Variants in PLCXD3 observed in about 807,000 individuals in gnomAD.
PLCXD3 encodes phosphatidylinositol specific phospholipase C X domain containing 3, also known as PI-PLC X domain-containing protein 3.
Under a neutral mutation model 25.5 loss-of-function variants are expected in PLCXD3, and 19 were observed. That is an observed-to-expected ratio of 0.75 (90% CI 0.52 to 1.09). The LOEUF is 1.09. Among genes scored for constraint, PLCXD3 ranks in the 50% least tolerant of loss-of-function variants. PLCXD3 has a pLI of 0.00. For synonymous variants in PLCXD3, 174 were observed against 137.6 expected (o/e 1.26, Z -1.85); for missense variants, 411 against 388.1 (o/e 1.06, Z -0.50).
rs6878540 is a variant in PLCXD3 at position 41,423,009 on chromosome 5, T to A, written c.104-40475A>T. On this transcript the variant is annotated intron_variant, in intron 1 of 2. Transcript: ENST00000377801. Reference sequence around the variant, plus strand: ...AATTTTCTAAAAAGTATTAATTTTTTAAAAAAAATTATGAATGGGTGTTGA... The same window carrying A: ...AATTTTCTAAAAAGTATTAATTTTTAAAAAAAAATTATGAATGGGTGTTGA... 7.6e-3 allele frequency among the ~76,000 whole-genome samples: 1,152 copies of A among 152,116 alleles called. 17 individuals carry two copies. The highest frequency in any genetic ancestry group is 0.026 in the African/African-American group (1,080 of 41,532).
At chr5:41,336,296 G>A (rs1743978038) in intron 2 of PLCXD3, among the ~76,000 whole-genome samples, 1 of 152,060 alleles carries the variant, frequency 6.6e-6, no homozygotes, top group Non-Finnish European at 1.5e-5. Context: ...TTCAAATCCT[G>A]GGTAAGTCAC....
chr5:41,382,282 G>T lies in PLCXD3; in HGVS notation c.356C>A (p.Ala119Asp). The T allele has an allele frequency of 6.2e-7, 1 of 1,613,606 alleles. No individual in the cohort carries two copies. The highest frequency in any genetic ancestry group is 1.1e-5 in the South Asian group (1 of 91,078). The change falls in exon 2 of 3, where the codon GCC (alanine) becomes GAC (aspartate). Residue 119 changes from alanine (A) to aspartate (D), a missense_variant. By Grantham distance (126) the Ala-to-Asp change is moderately radical. Transcript: ENST00000377801. ...ELYFAHGLFS[A>D]KVNEGLEEIN... ...CTCCTCAAGGCCTTCATTGACTTTGGCACTGAACAAACCATGAGCAAAATA... is the reference window on the plus strand; with the variant it reads ...CTCCTCAAGGCCTTCATTGACTTTGTCACTGAACAAACCATGAGCAAAATA...
intron 2 of PLCXD3, among the ~76,000 whole-genome samples, chr5:41,372,296 T>A (rs113147900): frequency 5.5e-4 from 73 of 132,828 alleles, no homozygotes; most frequent in Middle Eastern, 3.8e-3. Context: ...TCTCTCTCTC[T>A]CTCACACACA....
intron 1 of PLCXD3, among the ~76,000 whole-genome samples, chr5:41,489,575 T>C (rs1432234232): frequency 6.6e-6 from 1 of 151,782 alleles, no homozygotes; most frequent in South Asian, 2.1e-4. Flanking sequence ...TGGAATGTTC[T>C]TCCATTTGTT....
chr5:41,388,113 C>A (rs188338899), intron 1 of PLCXD3, among the ~76,000 whole-genome samples: 1 of 151,524 alleles, frequency 6.6e-6, no homozygotes. Flanking sequence ...TTGCTGTGGA[C>A]TAGTTGGAAA....
chr5:41,455,192 G>A (rs1747725872), intron 1 of PLCXD3, among the ~76,000 whole-genome samples: 1 of 151,858 alleles, frequency 6.6e-6, no homozygotes, highest in Non-Finnish European at 1.5e-5. Context: ...AATCCTGCCA[G>A]CAACTTGATT....
At chr5:41,451,992 T>C (rs761153508) in intron 1 of PLCXD3, among the ~76,000 whole-genome samples, 8 of 152,038 alleles carry the variant, frequency 5.3e-5, no homozygotes, top group African/African-American at 9.7e-5. Flanking sequence ...TGCCATACTT[T>C]CAGCTAAGTC....
At chr5:41,502,452 TAATGTGCTTTAATAC>T (rs1050215479) in intron 1 of PLCXD3, among the ~76,000 whole-genome samples, 4 of 152,090 alleles carry the variant, frequency 2.6e-5, no homozygotes, top group Middle Eastern at 3.2e-3. Flanking sequence ...AATTAACTGT[TAATGTGCTTTAATAC>T]AATGGAGCCC....
intron 2 of PLCXD3, among the ~76,000 whole-genome samples, chr5:41,317,782 G>A: frequency 6.6e-6 from 1 of 151,862 alleles, no homozygotes; most frequent in Non-Finnish European, 1.5e-5. Flanking sequence ...AGAAGAAACA[G>A]TGACCTTGAA....
intron 1 of PLCXD3, among the ~76,000 whole-genome samples, chr5:41,461,391 A>C (rs1747872046): frequency 6.6e-6 from 1 of 151,930 alleles, no homozygotes; most frequent in Admixed American, 6.6e-5. Flanking sequence ...AAAGGGGAGA[A>C]AGTGTAATAT....
At position 41,359,079 on chromosome 5, in the gene PLCXD3, G is replaced by A. The variant is rs144394281; in HGVS notation, c.812+22747C>T. ...CCTGGTATGAAACCCACTTGATCAT[G>A]GTAGATTATCTTTTTGATATGCTGT... On this transcript the variant is annotated intron_variant, in intron 2 of 2. Transcript: ENST00000377801. Among the ~76,000 whole-genome samples, 472 of 152,162 alleles carry A rather than the reference G, an allele frequency of 3.1e-3. 3 individuals are homozygous for A. Among genetic ancestry groups the A allele is most frequent in the East Asian group, 0.017 (87 of 5,180 alleles).
intron 1 of PLCXD3, among the ~76,000 whole-genome samples, chr5:41,475,893 A>G (rs1044287737): frequency 5.3e-5 from 8 of 152,230 alleles, no homozygotes; most frequent in African/African-American, 1.9e-4. Context: ...GAAGGAAAAG[A>G]GAGTTCTCTG....
intron 2 of PLCXD3, among the ~76,000 whole-genome samples, chr5:41,357,851 C>A (rs374518266): frequency 2.0e-5 from 3 of 152,130 alleles, no homozygotes; most frequent in Non-Finnish European, 4.4e-5. Flanking sequence ...TAGCATCTGA[C>A]AATTAGTGTA....
At chr5:41,330,016 A>G (rs1014777077) in intron 2 of PLCXD3, among the ~76,000 whole-genome samples, 14 of 152,082 alleles carry the variant, frequency 9.2e-5, no homozygotes, top group East Asian at 5.8e-4. Flanking sequence ...TGGGCGAACA[A>G]TTGTGGATAA....
At chr5:41,329,531 G>T (rs2150473254) in intron 2 of PLCXD3, among the ~76,000 whole-genome samples, 1 of 152,296 alleles carries the variant, frequency 6.6e-6, no homozygotes, top group South Asian at 2.1e-4. Context: ...TATTCCTCAT[G>T]TGGCTACTGC....
chr5:41,379,631 C>T (rs1745395820), intron 2 of PLCXD3, among the ~76,000 whole-genome samples: 1 of 151,864 alleles, frequency 6.6e-6, no homozygotes, highest in South Asian at 2.1e-4. Context: ...GGGCTGTTAT[C>T]CTAGGGCAGA....
At chr5:41,380,087 C>A (rs528802757) in intron 2 of PLCXD3, among the ~76,000 whole-genome samples, 57 of 152,010 alleles carry the variant, frequency 3.7e-4, no homozygotes, top group African/African-American at 1.3e-3. Context: ...CCAACAACCC[C>A]CAAATGAGTT....
Position 41,312,623 on chromosome 5 carries a change from CGTCCTTCCTTCT to C in PLCXD3, c.*982_*993del, listed in dbSNP as rs1397397598. 6.8e-6 allele frequency: 1 copy of C among 146,590 alleles called. No individual in the cohort carries two copies. The highest frequency in any genetic ancestry group is 1.5e-5 in the Non-Finnish European group (1 of 66,008). The allele number at this position is 146,590 out of a possible 1,614,324, so 9.1% of individuals were successfully genotyped here. A position where few individuals can be genotyped will look rare whatever the true frequency, so the allele number is the denominator to read the frequency against. Reference sequence around the variant, plus strand: ...CCTTCCTCCCTTCCTTCCTTCCTCCCGTCCTTCCTTCTGTCCTTCCCTCCCTTCTTCCCTCCC... The same window carrying C: ...CCTTCCTCCCTTCCTTCCTTCCTCCCGTCCTTCCCTCCCTTCTTCCCTCCC... On this transcript the variant is annotated 3_prime_UTR_variant, in exon 3 of 3. Coordinates refer to ENST00000377801, the MANE Select transcript of PLCXD3 (RefSeq NM_001005473.3).
At chr5:41,368,767 A>G (rs933041317) in intron 2 of PLCXD3, among the ~76,000 whole-genome samples, 3 of 152,180 alleles carry the variant, frequency 2.0e-5, no homozygotes, top group Non-Finnish European at 4.4e-5. Flanking sequence ...ATTTTATCAA[A>G]AGCCTTTTCT....
Sources: gnomAD v4.1 joint callset for allele counts (sites outside exome capture counted in the v4.1 genomes callset) on GRCh38, gnomAD v4.1.1 for gene constraint, MANE v1.5 for transcripts, NCBI Gene and HGNC (gene_info 2026-07-23, HGNC 2026-07-21) for gene names.